The following SLC6A5 variants were observed in gnomAD, a reference collection of about 807,000 sequenced individuals.
SLC6A5 encodes solute carrier family 6 member 5.
A neutral mutation model predicts 90.5 loss-of-function variants in SLC6A5; 58 were observed. That is an observed-to-expected ratio of 0.64 (90% CI 0.52 to 0.80). SLC6A5 has a LOEUF of 0.80. Among genes scored for constraint, SLC6A5 ranks in the 30% least tolerant of loss-of-function variants. SLC6A5 has a pLI of 0.00. For synonymous variants in SLC6A5, 427 were observed against 401.4 expected, an observed-to-expected ratio of 1.06 and a Z score of -0.76; for missense variants, 1,015 against 1,017.6, an observed-to-expected ratio of 1.00 and a Z score of 0.03.
At chr11:20,613,872 A>G (rs1852737162) in intron 5 of SLC6A5, among the ~76,000 whole-genome samples, 1 of 152,064 alleles carries the variant, frequency 6.6e-6, no homozygotes, top group African/African-American at 2.4e-5. Flanking sequence ...TGTGCATTGT[A>G]GGATATTTAG....
Position 20,604,454 on chromosome 11 carries a change from G to C in SLC6A5, c.679+30G>C, listed in dbSNP as rs748109303. 1.9e-6 allele frequency: 3 copies of C among 1,608,158 alleles called. No homozygotes were observed. The African/African-American group carries it at 4.0e-5, about 21-fold the overall frequency. ...GGCTTTTCCGCTCTTTCCGCCTGCG[G>C]CGGGGCGGGGCGGGCACCTGAGGGT... On this transcript the variant is annotated intron_variant, in intron 3 of 15. Coordinates refer to ENST00000525748, the MANE Select transcript of SLC6A5 (RefSeq NM_004211.5).
chr11:20,607,538 A>G lies in SLC6A5; in HGVS notation c.871A>G (p.Ile291Val), dbSNP rs1565272909. Residue 291 changes from isoleucine (I) to valine (V), a missense_variant, in exon 5 of 16, where the codon ATT (isoleucine) becomes GTT (valine). By Grantham distance (29) the Ile-to-Val change is conservative. Around this residue, in one of 3 missense-constraint regions of SLC6A5, gnomAD observed 567 missense variants for 507.3 expected, o/e 1.12. Coordinates refer to ENST00000525748, the MANE Select transcript of SLC6A5 (RefSeq NM_004211.5). ...AATAGCCATATACTACAATGTGATT[A>G]TTTGCTATACACTTTTCTACCTGTT... The part of the protein sequence containing the change: ...VLIAIYYNVI[I>V]CYTLFYLFAS... 1.2e-6 allele frequency: 2 copies of G among 1,614,082 alleles called. No homozygotes were observed. The highest frequency in any genetic ancestry group is 3.3e-5 in the Admixed American group (2 of 60,028).
At chr11:20,622,469 T>C (rs1852910259) in intron 7 of SLC6A5, among the ~76,000 whole-genome samples, 1 of 152,210 alleles carries the variant, frequency 6.6e-6, no homozygotes, top group Non-Finnish European at 1.5e-5. Context: ...GGCCCTGCCA[T>C]ACACATTTCT....
intron 10 of SLC6A5, 25 bp from the exon 11 acceptor site, chr11:20,636,282 C>A (rs758327254): frequency 1.4e-6 from 2 of 1,466,550 alleles, no homozygotes; most frequent in Non-Finnish European, 9.6e-7. Flanking sequence ...GGCCTGCCTG[C>A]AATCATCTGT....
rs74828344 is a variant in SLC6A5, at chr11:20,614,296, G to T, written c.986-383G>T. ...GATTCTCTTCCTCATAAGCTGTGTG[G>T]CTTCAGTAGAGTTACCTACCTCTTT... is the stretch of plus-strand genomic sequence containing the variant. On this transcript the variant is annotated intron_variant, in intron 5 of 15. Coordinates refer to ENST00000525748, the MANE Select transcript of SLC6A5 (RefSeq NM_004211.5). 0.027 allele frequency among the ~76,000 whole-genome samples: 4,060 copies of T among 152,222 alleles called. 432 individuals carry two copies. The East Asian group carries it at 0.35, about 13-fold the overall frequency.
chr11:20,607,717 A>T, intron 5 of SLC6A5, 65 bp downstream of exon 5: 1 of 1,304,298 alleles, frequency 7.7e-7, no homozygotes, highest in Non-Finnish European at 1.1e-6. Flanking sequence ...CAGCAAAATA[A>T]TTGAACATAT....
At chr11:20,626,880 AGTG>A in intron 8 of SLC6A5, 38 bp downstream of exon 8, 1 of 1,596,330 alleles carries the variant, frequency 6.3e-7, no homozygotes, top group Non-Finnish European at 8.6e-7. Context: ...GCCCTGGGGG[AGTG>A]GCCCTCTGGG....
At chr11:20,645,889 C>T (rs1266001388) in intron 13 of SLC6A5, among the ~76,000 whole-genome samples, 2 of 152,098 alleles carry the variant, frequency 1.3e-5, no homozygotes, top group Non-Finnish European at 2.9e-5. Context: ...CCTGCCTTGG[C>T]CTCCCAAAGT....
At chr11:20,634,964 C>T (rs1183336878) in intron 10 of SLC6A5, among the ~76,000 whole-genome samples, 5 of 152,014 alleles carry the variant, frequency 3.3e-5, no homozygotes, top group African/African-American at 1.2e-4. Context: ...TCTTTAGCTA[C>T]CTTTGATTAC....
At chr11:20,624,960 G>A (rs1423540291) in intron 7 of SLC6A5, among the ~76,000 whole-genome samples, 1 of 152,144 alleles carries the variant, frequency 6.6e-6, no homozygotes, top group Admixed American at 6.5e-5. Context: ...TACTATTGTT[G>A]CCACTTTGCA....
rs770754817 is a variant in SLC6A5 at position 20,630,793 on chromosome 11, C to T, written c.1602C>T (p.Asn534=). 1.1e-5 allele frequency: 17 copies of T among 1,614,076 alleles called. No individual in the cohort carries two copies. In the African/African-American group the frequency reaches 1.6e-4, roughly 15 times the overall value. ...TCATGGCCAATGAACGCAAAGTCAA[C>T]ATTGAGAATGTGGCAGACCAAGGTA... ...IGFMANERKV[N]IENVADQGPG... The change falls in exon 10 of 16, where the codon AAC becomes AAT. Residue 534 remains asparagine (N), a synonymous_variant. Transcript: ENST00000525748.
At position 20,601,461 on chromosome 11, in the gene SLC6A5, C is replaced by A; in HGVS notation, c.336C>A (p.Ser112=). The A allele has an allele frequency of 6.2e-7, 1 of 1,609,496 alleles. No homozygotes were observed. The highest frequency in any genetic ancestry group is 8.5e-7 in the Non-Finnish European group (1 of 1,177,944). ...AGGCCTCGCCCCCTCCCGGGAGCTC[C>A]GGGCCCGGCAACGCGCTGCACTGTA... ...GAQASPPPGS[S]GPGNALHCKI... is the part of the protein sequence containing the mutation. Residue 112 remains serine, a synonymous_variant, in exon 2 of 16, where the codon TCC becomes TCA. Coordinates refer to ENST00000525748, the MANE Select transcript of SLC6A5 (RefSeq NM_004211.5).
intron 1 of SLC6A5, 28 bp downstream of exon 1, chr11:20,599,703 A>G: frequency 6.2e-7 from 1 of 1,613,498 alleles, no homozygotes; most frequent in Non-Finnish European, 8.5e-7. Flanking sequence ...TTCTTTCAAG[A>G]GGAAAGGGGG....
chr11:20,608,573 A>G (rs1852627136), intron 5 of SLC6A5, among the ~76,000 whole-genome samples: 1 of 152,246 alleles, frequency 6.6e-6, no homozygotes. Flanking sequence ...GCAGAAGCAT[A>G]TAACTCTACA....
chr11:20,634,840 T>C (rs961263261), intron 10 of SLC6A5, among the ~76,000 whole-genome samples: 4 of 152,164 alleles, frequency 2.6e-5, no homozygotes, highest in Non-Finnish European at 4.4e-5. Flanking sequence ...CTAGGTGCTG[T>C]GATTGCTGAT....
chr11:20,615,718 A>C (rs1852773022), intron 6 of SLC6A5, among the ~76,000 whole-genome samples: 1 of 152,202 alleles, frequency 6.6e-6, no homozygotes, highest in Non-Finnish European at 1.5e-5. Flanking sequence ...ATCATAGGGT[A>C]CGTAAAGAGT....
At chr11:20,608,918 GTCTGTCTC>G (rs1350853550) in intron 5 of SLC6A5, among the ~76,000 whole-genome samples, 10 of 79,182 alleles carry the variant, frequency 1.3e-4, no homozygotes, top group East Asian at 2.9e-4. Flanking sequence ...CTGTCTGTCT[GTCTGTCTC>G]TCTCTCTCTC....
In SLC6A5 at chr11:20,599,618, C is replaced by A; in HGVS notation, c.-55C>A. ...CTCTCCTGCCTGAGCCAAACCCAGT[C>A]TTGTCAATAGCGGGTTTCACCCTCC... is the stretch of plus-strand genomic sequence containing the variant. On this transcript the variant is annotated 5_prime_UTR_variant, in exon 1 of 16. Transcript: ENST00000525748. 3 of 1,612,166 alleles carry A rather than the reference C, an allele frequency of 1.9e-6. 1 individual carries two copies. In the South Asian group the frequency reaches 3.3e-5, roughly 18 times the overall value.
Position 20,651,810 on chromosome 11 carries a change from G to C in SLC6A5, c.2071-479G>C, listed in dbSNP as rs529657033. On this transcript the variant is annotated intron_variant, in intron 14 of 15. Transcript: ENST00000525748. ...TAATCCCAGCTATTCGGGAGGCTGG[G>C]GCAGGAGAATCGCTTGAACCTGGGA... 2.0e-5 allele frequency among the ~76,000 whole-genome samples: 3 copies of C among 152,094 alleles called. No homozygotes were observed. In the East Asian group the frequency reaches 5.9e-4, roughly 30 times the overall value.
Sources: gnomAD v4.1 joint callset for allele counts (sites outside exome capture counted in the v4.1 genomes callset) on GRCh38, gnomAD v4.1.1 for gene constraint, gnomAD v4.1.1 regional missense constraint, MANE v1.5 for transcripts, NCBI Gene and HGNC (gene_info 2026-07-23, HGNC 2026-07-21) for gene names.